Variants in EDNRA observed in about 807,000 individuals in gnomAD.
EDNRA encodes the protein endothelin receptor type A.
EDNRA carries 11 observed loss-of-function variants against 41.4 expected under a neutral mutation model. That is an observed-to-expected ratio of 0.27 (90% CI 0.17 to 0.44). EDNRA has a LOEUF of 0.44. EDNRA is among the 20% of genes least tolerant of loss of function. The probability of loss-of-function intolerance (pLI) is 1.00; values close to 1 mark genes in which losing one functional copy is unlikely to be tolerated. For missense variants in EDNRA, 294 were observed against 531.0 expected (o/e 0.55, Z 4.39); for synonymous variants, 172 against 183.0 (o/e 0.94, Z 0.49).
intron 1 of EDNRA, among the ~76,000 whole-genome samples, chr4:147,484,168 A>G (rs1578769453): frequency 6.6e-6 from 1 of 152,184 alleles, no homozygotes; most frequent in South Asian, 2.1e-4. Flanking sequence ...TTGAAATAGG[A>G]TGAGCTATTT....
At chr4:147,502,140 G>C (rs1258707842) in intron 2 of EDNRA, among the ~76,000 whole-genome samples, 1 of 152,062 alleles carries the variant, frequency 6.6e-6, no homozygotes, top group Non-Finnish European at 1.5e-5. Flanking sequence ...ACTAATTTTG[G>C]AAACGTATTG....
Position 147,486,225 on chromosome 4 carries a change from C to T in EDNRA, c.420+124C>T, listed in dbSNP as rs899829119. 1.4e-5 allele frequency: 15 copies of T among 1,071,454 alleles called. No individual in the cohort carries two copies. The East Asian group carries it at 2.8e-4, about 20-fold the overall frequency. The allele number at this position is 1,071,454 out of a possible 1,614,324, so 66.4% of individuals were successfully genotyped here. On this transcript the variant is annotated intron_variant, in intron 2 of 7. Transcript: ENST00000651419. This position sits in a 1 kb window ranked among gnomAD's most constrained non-coding sequence, Gnocchi z 4.3. ...GTGTTTTTACTGAGAGCTATTTCTG[C>T]TGTCTTCTAACTACTAGTTTTAAGA...
rs1386860914 is a variant in EDNRA, at chr4:147,519,382, A to G, written c.421-469A>G. Among the ~76,000 whole-genome samples the G allele has an allele frequency of 3.3e-5, 5 of 152,176 alleles. No individual in the cohort carries two copies. Among genetic ancestry groups the G allele is most frequent in the Middle Eastern group, 3.2e-3 (1 of 316 alleles). ...AAATTATTTGCTTTACTCATGGTTT[A>G]GTAAGCACAGATAAAAAACCACTGT... On this transcript the variant is annotated intron_variant, in intron 2 of 7. Transcript: ENST00000651419. The surrounding 1 kb of genome is among the most constrained non-coding windows in gnomAD (Gnocchi z 4.1).
At chr4:147,487,811 C>T (rs1190191267) in intron 2 of EDNRA, among the ~76,000 whole-genome samples, 3 of 152,148 alleles carry the variant, frequency 2.0e-5, no homozygotes, top group African/African-American at 7.2e-5. Context: ...AGCATAAATA[C>T]ATGTGTTTTC....
At chr4:147,491,780 TATC>T (rs1208596820) in intron 2 of EDNRA, 1 of 152,244 alleles carries the variant, frequency 6.6e-6, no homozygotes, top group Non-Finnish European at 1.5e-5. Flanking sequence ...AGAATCATGC[TATC>T]ATCATAAAAT....
intron 2 of EDNRA, among the ~76,000 whole-genome samples, chr4:147,512,977 G>A (rs759260328): frequency 1.2e-4 from 18 of 152,052 alleles, no homozygotes; most frequent in African/African-American, 3.4e-4. Context: ...TTCTCTCTTC[G>A]CTGGCCCACA....
chr4:147,519,772 A>G lies in EDNRA; in HGVS notation c.421-79A>G. The G allele has an allele frequency of 6.7e-6, 10 of 1,495,704 alleles. No individual in the cohort carries two copies. The highest frequency in any genetic ancestry group is 9.0e-6 in the Non-Finnish European group (10 of 1,110,812). The allele number at this position is 1,495,704 out of a possible 1,614,324, so 92.7% of individuals were successfully genotyped here. A position where few individuals can be genotyped will look rare whatever the true frequency, so the allele number is the denominator to read the frequency against. On this transcript the variant is annotated intron_variant, in intron 2 of 7. Coordinates refer to ENST00000651419, the MANE Select transcript of EDNRA (RefSeq NM_001957.4). The surrounding 1 kb of genome is among the most constrained non-coding windows in gnomAD (Gnocchi z 4.1). ...CTGTGAATAAAATTTAGAAGTTGGG[A>G]CGCATAACTAAAACTGTAAGTGCCC...
intron 5 of EDNRA, among the ~76,000 whole-genome samples, chr4:147,539,342 A>C (rs969749850): frequency 6.6e-6 from 1 of 151,948 alleles, no homozygotes; most frequent in Admixed American, 6.6e-5. Context: ...TTGTCCATGC[A>C]ATATCATGTG....
In EDNRA at chr4:147,542,759, C is replaced by T. The variant is rs202086451; in HGVS notation, c.*141C>T. 35 of 1,117,242 alleles carry T rather than the reference C, an allele frequency of 3.1e-5. 1 individual carries two copies. The South Asian group carries it at 5.6e-4, about 18-fold the overall frequency. 69.2% of individuals were successfully genotyped at this position (1,117,242 alleles called of 1,614,324 possible). A position where few individuals can be genotyped will look rare whatever the true frequency, so the allele number is the denominator to read the frequency against. On this transcript the variant is annotated 3_prime_UTR_variant, in exon 8 of 8. Coordinates refer to ENST00000651419, the MANE Select transcript of EDNRA (RefSeq NM_001957.4). ...ACCCAAGAAGAAATGCTTTCCAAAA[C>T]CGCAAGGGTAGACTGGTTTATCCAC...
chr4:147,489,269 A>AT (rs1371915723), intron 2 of EDNRA: 1 of 152,180 alleles, frequency 6.6e-6, no homozygotes, highest in Non-Finnish European at 1.5e-5. Context: ...CAAAAATAAT[A>AT]TACATTGTAC....
intron 2 of EDNRA, among the ~76,000 whole-genome samples, chr4:147,504,845 C>T (rs1277145047): frequency 1.3e-5 from 2 of 149,634 alleles, no homozygotes; most frequent in African/African-American, 2.5e-5. Flanking sequence ...GTGGTCCCAG[C>T]TACTCTGGAG....
Position 147,485,994 on chromosome 4 carries a change from A to G in EDNRA, c.313A>G (p.Ile105Val). Residue 105 changes from isoleucine (I) to valine (V), a missense_variant, in exon 2 of 8, where the codon ATT (isoleucine) becomes GTT (valine). By Grantham distance (29) the Ile-to-Val change is conservative. Around this residue, in one of 3 missense-constraint regions of EDNRA, gnomAD observed 185 missense variants for 390.8 expected, o/e 0.47. Transcript: ENST00000651419. ...MVGNATLLRIIYQNKCMRNGP... is the reference protein window; with the variant it reads ...MVGNATLLRIVYQNKCMRNGP... ...GGGGAATGCAACTCTGCTCAGGATC[A>G]TTTACCAGAACAAATGTATGAGGAA... 1 of 1,614,240 alleles carries G rather than the reference A, an allele frequency of 6.2e-7. No homozygotes were observed. The highest frequency in any genetic ancestry group is 8.5e-7 in the Non-Finnish European group (1 of 1,180,046).
chr4:147,540,098 T>A, intron 6 of EDNRA, 148 bp downstream of exon 6: 2 of 1,134,394 alleles, frequency 1.8e-6, no homozygotes, highest in Non-Finnish European at 1.2e-6. Context: ...ACATAGCCTA[T>A]AACTGATCCC....
Position 147,507,559 on chromosome 4 carries a change from TG to T in EDNRA, c.421-12289del, listed in dbSNP as rs1729762220. Among the ~76,000 whole-genome samples the T allele has an allele frequency of 2.0e-5, 3 of 152,292 alleles. No individual in the cohort carries two copies. The South Asian group carries it at 6.2e-4, about 32-fold the overall frequency. ...ATGGGAAGGGGAGAGAAGGGAAATA[TG>T]GGTAGAAGAGGACATCAAAAGGGAT... On this transcript the variant is annotated intron_variant, in intron 2 of 7. Transcript: ENST00000651419.
intron 3 of EDNRA, chr4:147,531,763 T>G (rs1730745339): frequency 6.6e-6 from 1 of 152,432 alleles, no homozygotes; most frequent in Non-Finnish European, 1.5e-5. Flanking sequence ...TCCCAACACT[T>G]TGGGAGGCCA....
intron 2 of EDNRA, among the ~76,000 whole-genome samples, chr4:147,509,611 G>A (rs28572568): frequency 0.035 from 5,279 of 152,194 alleles, 329 homozygotes; most frequent in African/African-American, 0.12. Context: ...CCCATCACTC[G>A]CATTACCTCA....
intron 3 of EDNRA, among the ~76,000 whole-genome samples, chr4:147,522,831 G>A (rs572072567): frequency 7.9e-5 from 12 of 152,222 alleles, no homozygotes; most frequent in Admixed American, 7.2e-4. Context: ...AGGAGGTCCC[G>A]AGAACCTGTG....
chr4:147,531,875 T>G (rs1222815208), intron 3 of EDNRA: 1 of 150,580 alleles, frequency 6.6e-6, no homozygotes, highest in Non-Finnish European at 1.5e-5. Flanking sequence ...CCGGGTGTGG[T>G]GGCGGGTGCC....
intron 2 of EDNRA, among the ~76,000 whole-genome samples, chr4:147,487,807 A>C (rs963039700): frequency 5.9e-5 from 9 of 152,254 alleles, no homozygotes; most frequent in African/African-American, 2.2e-4. Flanking sequence ...GGATAGCATA[A>C]ATACATGTGT....
Sources: gnomAD v4.1 joint callset for allele counts (sites outside exome capture counted in the v4.1 genomes callset) on GRCh38, gnomAD v4.1.1 for gene constraint, gnomAD v4.1.1 regional missense constraint, Gnocchi (gnomAD v3.1) non-coding constraint, MANE v1.5 for transcripts, NCBI Gene and HGNC (gene_info 2026-07-23, HGNC 2026-07-21) for gene names.